Variants in EDAR observed in about 807,000 individuals in gnomAD.
EDAR encodes tumor necrosis factor receptor superfamily member EDAR.
A neutral mutation model predicts 51.3 loss-of-function variants in EDAR; 38 were observed. The observed-to-expected ratio is 0.74, with a 90% confidence interval of 0.57 to 0.97. EDAR has a LOEUF of 0.97. Among genes scored for constraint, EDAR ranks in the 50% least tolerant of loss-of-function variants. The probability of loss-of-function intolerance (pLI) is 0.00; values close to 1 mark genes in which losing one functional copy is unlikely to be tolerated. For synonymous variants in EDAR, 227 were observed against 242.1 expected (o/e 0.94, Z 0.58); for missense variants, 528 against 595.0 (o/e 0.89, Z 1.17).
intron 10 of EDAR, 67 bp downstream of exon 10, chr2:108,907,793 G>A: frequency 1.3e-6 from 2 of 1,588,350 alleles, no homozygotes; most frequent in Admixed American, 1.7e-5. Flanking sequence ...CAATAAGAAA[G>A]TTTTAGTCTT....
At chr2:108,919,284 G>A (rs1697087200) in intron 5 of EDAR, among the ~76,000 whole-genome samples, 1 of 152,176 alleles carries the variant, frequency 6.6e-6, no homozygotes, top group African/African-American at 2.4e-5. Flanking sequence ...TTTGCCTGAG[G>A]GGACTTCGTC....
intron 1 of EDAR, among the ~76,000 whole-genome samples, chr2:108,962,674 CAAAAAAAAAAA>C (rs66741499): frequency 4.5e-5 from 3 of 66,886 alleles, no homozygotes; most frequent in East Asian, 1.3e-3. Flanking sequence ...GACTCTGTCT[CAAAAAAAAAAA>C]AAAAAAAAAA....
intron 1 of EDAR, among the ~76,000 whole-genome samples, chr2:108,978,406 C>T (rs539230241): frequency 2.6e-5 from 4 of 152,242 alleles, no homozygotes; most frequent in Admixed American, 2.0e-4. Flanking sequence ...AAATATCAAA[C>T]TTGGTCGACT....
intron 11 of EDAR, among the ~76,000 whole-genome samples, chr2:108,904,329 T>C (rs1360606540): frequency 1.3e-5 from 2 of 152,176 alleles, no homozygotes; most frequent in African/African-American, 4.8e-5. Context: ...GGCAAGCATA[T>C]GGAGAAACTA....
intron 10 of EDAR, 151 bp downstream of exon 10, chr2:108,907,709 G>A (rs1696838056): frequency 1.1e-6 from 1 of 872,902 alleles, no homozygotes; most frequent in Non-Finnish European, 1.9e-6. Context: ...CTATCTTGCT[G>A]TGAACTTGTC....
chr2:108,967,687 A>G (rs192286928), intron 1 of EDAR, among the ~76,000 whole-genome samples: 2 of 152,300 alleles, frequency 1.3e-5, no homozygotes, highest in African/African-American at 2.4e-5. Context: ...ATTTTACTTC[A>G]TAAACCAATT....
In EDAR at chr2:108,979,467, T is replaced by TCTCTCACA. The variant is rs1159379988; in HGVS notation, c.-19+9492_-19+9493insTGTGAGAG. On this transcript the variant is annotated intron_variant, in intron 1 of 11. Coordinates refer to ENST00000258443, the MANE Select transcript of EDAR (RefSeq NM_022336.4). ...CTCTCTGTCTCTGTCTCTCTCTCTC[T>TCTCTCACA]CACACACACACACACACACACACAC... Among the ~76,000 whole-genome samples the TCTCTCACA allele has an allele frequency of 2.0e-3, 295 of 147,208 alleles. 5 individuals are homozygous for TCTCTCACA. Among genetic ancestry groups the TCTCTCACA allele is most frequent in the Admixed American group, 0.01 (152 of 14,718 alleles).
chr2:108,977,578 G>A (rs260603), intron 1 of EDAR, among the ~76,000 whole-genome samples: 117,952 of 152,170 alleles, frequency 0.78, 47,247 homozygotes, highest in South Asian at 0.87. Flanking sequence ...CCAGGAGCTC[G>A]CCTTTTTTGA....
intron 1 of EDAR, among the ~76,000 whole-genome samples, chr2:108,939,225 T>A (rs1574392785): frequency 6.6e-6 from 1 of 152,216 alleles, no homozygotes; most frequent in East Asian, 1.9e-4. Context: ...TCACCCAGGC[T>A]ACAGTGTAGT....
At chr2:108,940,562 G>A (rs192989057) in intron 1 of EDAR, among the ~76,000 whole-genome samples, 2 of 152,370 alleles carry the variant, frequency 1.3e-5, no homozygotes, top group Admixed American at 1.3e-4. Context: ...GGGCGGAGGT[G>A]AGAGCAGCCA....
At chr2:108,947,465 G>T (rs1474382014) in intron 1 of EDAR, among the ~76,000 whole-genome samples, 1 of 152,196 alleles carries the variant, frequency 6.6e-6, no homozygotes, top group Non-Finnish European at 1.5e-5. Flanking sequence ...CATTGCCTTG[G>T]TAGAGGTTCT....
chr2:108,912,548 C>CA, intron 6 of EDAR, 130 bp downstream of exon 6: 1 of 835,522 alleles, frequency 1.2e-6, no homozygotes, highest in Non-Finnish European at 2.0e-6. Context: ...CATTCAATTA[C>CA]ATTAGGGAGG....
At chr2:108,942,658 C>G (rs1254270634) in intron 1 of EDAR, among the ~76,000 whole-genome samples, 1 of 152,374 alleles carries the variant, frequency 6.6e-6, no homozygotes, top group Non-Finnish European at 1.5e-5. Context: ...AGAGGCCTTT[C>G]AAGACGGCGG....
At chr2:108,950,542 T>G (rs1697805243) in intron 1 of EDAR, among the ~76,000 whole-genome samples, 2 of 152,196 alleles carry the variant, frequency 1.3e-5, no homozygotes, top group Admixed American at 1.3e-4. Flanking sequence ...TGTTTATTCG[T>G]TCATATTCTG....
chr2:108,929,790 G>A (rs1223187814), intron 3 of EDAR, among the ~76,000 whole-genome samples: 1 of 152,094 alleles, frequency 6.6e-6, no homozygotes, highest in East Asian at 1.9e-4. Context: ...GCAGCACTCA[G>A]GAAAAAATGT....
chr2:108,919,502 G>A (rs991149286), intron 5 of EDAR, among the ~76,000 whole-genome samples: 65 of 152,256 alleles, frequency 4.3e-4, no homozygotes, highest in African/African-American at 1.5e-3. Context: ...GGGATTACAG[G>A]CAGGCACCAC....
intron 1 of EDAR, among the ~76,000 whole-genome samples, chr2:108,948,648 A>C (rs1697762270): frequency 6.6e-6 from 1 of 152,192 alleles, no homozygotes; most frequent in Non-Finnish European, 1.5e-5. Flanking sequence ...GGGGAGTGCC[A>C]GACACTTATC....
intron 1 of EDAR, among the ~76,000 whole-genome samples, chr2:108,943,600 G>C (rs757972528): frequency 4.6e-5 from 7 of 152,188 alleles, no homozygotes; most frequent in Non-Finnish European, 7.3e-5. Context: ...CCACGGGCTT[G>C]GGAGGACTCA....
chr2:108,965,285 G>A (rs1057052778), intron 1 of EDAR, among the ~76,000 whole-genome samples: 2 of 152,050 alleles, frequency 1.3e-5, no homozygotes, highest in Non-Finnish European at 2.9e-5. Flanking sequence ...AGACCATCCT[G>A]GCTAACATGG....
Sources: allele counts gnomAD v4.1 joint callset (sites outside exome capture counted in the v4.1 genomes callset), GRCh38; gene constraint gnomAD v4.1.1; transcripts MANE v1.5; gene names NCBI Gene and HGNC (gene_info 2026-07-23, HGNC 2026-07-21).